Variants in COL8A1 observed in about 807,000 individuals in gnomAD.
COL8A1 encodes collagen alpha-1(VIII) chain.
Under a neutral mutation model 42.7 loss-of-function variants are expected in COL8A1, and 21 were observed. The observed-to-expected ratio is 0.49, with a 90% confidence interval of 0.35 to 0.71. The LOEUF is 0.71. Ranked by LOEUF, COL8A1 falls within the 30% of genes least tolerant of loss-of-function variation. The pLI is 0.01. For missense variants in COL8A1, 788 were observed against 962.4 expected, an observed-to-expected ratio of 0.82 and a Z score of 2.40; for synonymous variants, 367 against 369.1, an observed-to-expected ratio of 0.99 and a Z score of 0.06.
At chr3:99,746,664 C>G (rs1267184005) in intron 2 of COL8A1, among the ~76,000 whole-genome samples, 2 of 152,128 alleles carry the variant, frequency 1.3e-5, no homozygotes, top group African/African-American at 4.8e-5. Context: ...AGAAATTAAG[C>G]TCTTTGTTTT....
intron 1 of COL8A1, among the ~76,000 whole-genome samples, chr3:99,706,405 G>A (rs1455531403): frequency 6.6e-6 from 1 of 152,024 alleles, no homozygotes; most frequent in East Asian, 1.9e-4. Flanking sequence ...ACCCAGCTCA[G>A]GAGAACTGGA....
intron 1 of COL8A1, among the ~76,000 whole-genome samples, chr3:99,644,337 C>T (rs1166263437): frequency 6.6e-6 from 1 of 152,154 alleles, no homozygotes; most frequent in East Asian, 1.9e-4. Flanking sequence ...TTAGACTTGA[C>T]TCTGACCCAG....
chr3:99,766,738 T>G (rs1034186539), intron 2 of COL8A1, among the ~76,000 whole-genome samples: 18 of 152,088 alleles, frequency 1.2e-4, no homozygotes, highest in Admixed American at 8.5e-4. Context: ...TCACCTGAGG[T>G]CAGGAGTTCG....
At chr3:99,681,091 T>A (rs868069270) in intron 1 of COL8A1, among the ~76,000 whole-genome samples, 98 of 152,306 alleles carry the variant, frequency 6.4e-4, no homozygotes, top group Middle Eastern at 3.4e-3. Context: ...AAGGACTTCA[T>A]GACTAAAACA....
intron 1 of COL8A1, among the ~76,000 whole-genome samples, chr3:99,692,293 C>A (rs1576433000): frequency 6.6e-6 from 1 of 152,310 alleles, no homozygotes; most frequent in South Asian, 2.1e-4. Flanking sequence ...ACAACTGAAA[C>A]CTTCTGTAGC....
chr3:99,690,565 A>T (rs1939187211), intron 1 of COL8A1, among the ~76,000 whole-genome samples: 1 of 152,120 alleles, frequency 6.6e-6, no homozygotes, highest in Non-Finnish European at 1.5e-5. Context: ...ACCCCCAGGG[A>T]CTCAAAAAAT....
chr3:99,686,616 A>T (rs1939060738), intron 1 of COL8A1, among the ~76,000 whole-genome samples: 1 of 152,142 alleles, frequency 6.6e-6, no homozygotes, highest in African/African-American at 2.4e-5. Flanking sequence ...CACAGTGGGC[A>T]CTCCTGCTAT....
chr3:99,795,942 A>T lies in COL8A1; in HGVS notation c.2041A>T (p.Asn681Tyr). 1.2e-6 allele frequency: 2 copies of T among 1,614,140 alleles called. No individual in the cohort carries two copies. The highest frequency in any genetic ancestry group is 1.7e-6 in the Non-Finnish European group (2 of 1,180,008). The change falls in exon 4 of 4, where the codon AAC (asparagine) becomes TAC (tyrosine). Residue 681 changes from asparagine (N) to tyrosine (Y), a missense_variant. By Grantham distance (143) the Asn-to-Tyr change is moderately radical. This residue lies in a region of COL8A1 where 212 missense variants were observed against 210.9 expected (regional missense o/e 1.00). Coordinates refer to ENST00000652472, the MANE Select transcript of COL8A1 (RefSeq NM_020351.4). The stretch of plus-strand genomic sequence containing the variant: ...CAACGTGTGGGTTGCTCTATTCAAG[A>T]ACAACGAGCCCGTGATGTACACGTA... ...GGNVWVALFK[N>Y]NEPVMYTYDE...
At chr3:99,716,939 T>C (rs1031156246) in intron 1 of COL8A1, among the ~76,000 whole-genome samples, 1 of 151,964 alleles carries the variant, frequency 6.6e-6, no homozygotes, top group Admixed American at 6.6e-5. Context: ...GGGGTCTAAT[T>C]CTTCAGCATT....
intron 2 of COL8A1, among the ~76,000 whole-genome samples, chr3:99,786,059 A>G (rs182171230): frequency 6.6e-6 from 1 of 151,818 alleles, no homozygotes; most frequent in Admixed American, 6.5e-5. Context: ...GGTACCTTCA[A>G]CTAACATTGT....
At position 99,794,769 on chromosome 3, in the gene COL8A1, G is replaced by A; in HGVS notation, c.868G>A (p.Gly290Arg). Residue 290 changes from glycine (G) to arginine (R), a missense_variant, in exon 4 of 4, where the codon GGG (glycine) becomes AGG (arginine). Gly to Arg is a moderately radical substitution (Grantham distance 125). Transcript: ENST00000652472. This position sits in a 1 kb window ranked among gnomAD's most constrained non-coding sequence, Gnocchi z 4.3. Reference sequence around the variant, plus strand: ...GCCCCAGGGCCCCCTGGGAAAGCCAGGGGCTCCAGGAGAACCTGGGCCACA... The same window carrying A: ...GCCCCAGGGCCCCCTGGGAAAGCCAAGGGCTCCAGGAGAACCTGGGCCACA... ...PGPQGPLGKP[G>R]APGEPGPQGP... 1 of 1,597,554 alleles carries A rather than the reference G, an allele frequency of 6.3e-7. No homozygotes were observed. Among genetic ancestry groups the A allele is most frequent in the Non-Finnish European group, 8.5e-7 (1 of 1,174,230 alleles).
At chr3:99,775,017 T>A (rs1941666781) in intron 2 of COL8A1, among the ~76,000 whole-genome samples, 2 of 152,146 alleles carry the variant, frequency 1.3e-5, no homozygotes, top group Admixed American at 1.3e-4. Context: ...GGTGTGAGGA[T>A]CCCTTGTTAT....
At chr3:99,654,540 C>A (rs1437951673) in intron 1 of COL8A1, among the ~76,000 whole-genome samples, 1 of 152,102 alleles carries the variant, frequency 6.6e-6, no homozygotes, top group African/African-American at 2.4e-5. Context: ...GTAATCCCAG[C>A]ACTTTGGGAG....
At chr3:99,739,371 A>C (rs868142895) in intron 1 of COL8A1, among the ~76,000 whole-genome samples, 1 of 152,172 alleles carries the variant, frequency 6.6e-6, no homozygotes, top group Non-Finnish European at 1.5e-5. Flanking sequence ...TCACAGCTCC[A>C]CCAGGCAGTG....
At chr3:99,661,998 G>A (rs906663423) in intron 1 of COL8A1, among the ~76,000 whole-genome samples, 1 of 152,154 alleles carries the variant, frequency 6.6e-6, no homozygotes, top group African/African-American at 2.4e-5. Flanking sequence ...TGGGCATAGA[G>A]TTTTAATTTT....
chr3:99,773,081 G>T (rs1941610858), intron 2 of COL8A1, among the ~76,000 whole-genome samples: 1 of 152,122 alleles, frequency 6.6e-6, no homozygotes, highest in Admixed American at 6.5e-5. Flanking sequence ...TGCCTCCCAG[G>T]GTTACTGGGA....
intron 1 of COL8A1, among the ~76,000 whole-genome samples, chr3:99,737,531 C>G (rs928560981): frequency 6.6e-6 from 1 of 151,996 alleles, no homozygotes; most frequent in African/African-American, 2.4e-5. Flanking sequence ...AAATTCTTTT[C>G]TTTAAGAATG....
At chr3:99,729,262 T>C (rs1940429131) in intron 1 of COL8A1, among the ~76,000 whole-genome samples, 1 of 152,026 alleles carries the variant, frequency 6.6e-6, no homozygotes, top group Admixed American at 6.6e-5. Context: ...TGTTGCTTTT[T>C]CTCAAATTTA....
chr3:99,715,022 T>C (rs1364160009), intron 1 of COL8A1, among the ~76,000 whole-genome samples: 2 of 152,146 alleles, frequency 1.3e-5, no homozygotes, highest in Non-Finnish European at 2.9e-5. Flanking sequence ...AGCAAGGTCT[T>C]TGTGGTTGTA....
Sources: allele counts gnomAD v4.1 joint callset (sites outside exome capture counted in the v4.1 genomes callset), GRCh38; gene constraint gnomAD v4.1.1; regional missense constraint gnomAD v4.1.1; non-coding constraint Gnocchi (gnomAD v3.1); transcripts MANE v1.5; gene names NCBI Gene and HGNC (gene_info 2026-07-23, HGNC 2026-07-21).